Variants in ATG5 observed in about 807,000 individuals in gnomAD.
The protein encoded by ATG5 is autophagy protein 5.
ATG5 carries 14 observed loss-of-function variants against 36.5 expected under a neutral mutation model. That is an observed-to-expected ratio of 0.38 (90% CI 0.25 to 0.60). The LOEUF (loss-of-function observed/expected upper bound fraction) is 0.60, where lower values mean the gene tolerates loss of function less well. ATG5 is among the 20% of genes least tolerant of loss of function. The probability of loss-of-function intolerance (pLI) is 0.60; values close to 1 mark genes in which losing one functional copy is unlikely to be tolerated. For missense variants in ATG5, 195 were observed against 326.7 expected (o/e 0.60, Z 3.11); for synonymous variants, 95 against 101.5 (o/e 0.94, Z 0.38).
At position 106,185,390 on chromosome 6, in the gene ATG5, A is replaced by T. The variant is rs1775728535; in HGVS notation, c.*1150T>A. Reference sequence around the variant, plus strand: ...GCTCACAAGAAATGAAATGTAATGCACAAATATGTTTGACTGGTAAAATCC... The same window carrying T: ...GCTCACAAGAAATGAAATGTAATGCTCAAATATGTTTGACTGGTAAAATCC... On this transcript the variant is annotated 3_prime_UTR_variant, in exon 8 of 8. Transcript: ENST00000369076. The T allele has an allele frequency of 6.5e-6, 1 of 152,774 alleles. No homozygotes were observed. The highest frequency in any genetic ancestry group is 1.5e-5 in the Non-Finnish European group (1 of 68,040). The allele number at this position is 152,774 out of a possible 1,614,324, so 9.5% of individuals were successfully genotyped here.
At chr6:106,244,890 G>A (rs773145244) in intron 6 of ATG5, among the ~76,000 whole-genome samples, 9 of 152,190 alleles carry the variant, frequency 5.9e-5, no homozygotes, top group Non-Finnish European at 1.3e-4. Flanking sequence ...CAGATATGAT[G>A]TGCTTAATTT....
chr6:106,259,495 C>T (rs1361774486), intron 5 of ATG5, among the ~76,000 whole-genome samples: 1 of 152,130 alleles, frequency 6.6e-6, no homozygotes, highest in Non-Finnish European at 1.5e-5. Context: ...ATAAATAATG[C>T]TAAAAATACT....
intron 5 of ATG5, among the ~76,000 whole-genome samples, chr6:106,275,954 G>A (rs967368738): frequency 2.0e-5 from 3 of 152,136 alleles, no homozygotes; most frequent in Admixed American, 6.5e-5. Context: ...GAGTGTGGCC[G>A]GGTTCCAGTA....
chr6:106,212,282 T>G (rs1453326042), intron 6 of ATG5, among the ~76,000 whole-genome samples: 1 of 152,230 alleles, frequency 6.6e-6, no homozygotes, highest in Non-Finnish European at 1.5e-5. Context: ...TTTATAACTC[T>G]AATAAAACAC....
At chr6:106,223,389 AT>A in intron 6 of ATG5, among the ~76,000 whole-genome samples, 1 of 152,352 alleles carries the variant, frequency 6.6e-6, no homozygotes, top group East Asian at 1.9e-4. Flanking sequence ...AAATAAGCTT[AT>A]AATTAATAGT....
chr6:106,311,420 G>T (rs914340341), intron 2 of ATG5, among the ~76,000 whole-genome samples: 1 of 152,196 alleles, frequency 6.6e-6, no homozygotes, highest in South Asian at 2.1e-4. Flanking sequence ...AGAGTCAAAA[G>T]ACAAATAGGA....
intron 5 of ATG5, among the ~76,000 whole-genome samples, chr6:106,263,807 A>G (rs190359689): frequency 1.3e-5 from 2 of 149,774 alleles, no homozygotes; most frequent in Admixed American, 1.3e-4. Flanking sequence ...AACATAAAGG[A>G]CCCCCACAAA....
intron 5 of ATG5, among the ~76,000 whole-genome samples, chr6:106,273,596 A>G (rs1347236482): frequency 6.6e-6 from 1 of 151,138 alleles, no homozygotes; most frequent in African/African-American, 2.4e-5. Flanking sequence ...GGAATTGGGG[A>G]AGGGGTAGAA....
At chr6:106,316,354 G>A in intron 1 of ATG5, 88 bp from the exon 2 acceptor site, 2 of 466,576 alleles carry the variant, frequency 4.3e-6, no homozygotes, top group Non-Finnish European at 7.3e-6. Flanking sequence ...AAAAATCCAT[G>A]CCATAAAGAT....
chr6:106,283,113 T>C (rs974345603), intron 4 of ATG5, among the ~76,000 whole-genome samples: 4 of 152,140 alleles, frequency 2.6e-5, no homozygotes, highest in Admixed American at 6.5e-5. Flanking sequence ...GATTTGAATG[T>C]TGAATCAATT....
chr6:106,283,874 T>C (rs1004972153), intron 4 of ATG5, among the ~76,000 whole-genome samples: 3 of 152,250 alleles, frequency 2.0e-5, no homozygotes, highest in African/African-American at 4.8e-5. Context: ...ATTGAATTTG[T>C]CCATCTGTCA....
At chr6:106,225,613 T>C (rs978650353) in intron 6 of ATG5, among the ~76,000 whole-genome samples, 1 of 152,162 alleles carries the variant, frequency 6.6e-6, no homozygotes, top group African/African-American at 2.4e-5. Flanking sequence ...ACCCTGAATA[T>C]ACTCTCCTCC....
chr6:106,316,121 T>A lies in ATG5; in HGVS notation c.88A>T (p.Arg30Trp). 1.2e-6 allele frequency: 2 copies of A among 1,613,124 alleles called. No homozygotes were observed. The highest frequency in any genetic ancestry group is 2.2e-5 in the South Asian group (2 of 90,970). The stretch of plus-strand genomic sequence containing the variant: ...CTTACATAGTATGGTTCTGCTTCCC[T>A]TTCAGTTATCTCATCCTGATATAGC... ...FTLYQDEITE[R>W]EAEPYYLLLP... Residue 30 changes from arginine to tryptophan, a missense_variant, in exon 2 of 8, where the codon AGG becomes TGG. Coordinates refer to ENST00000369076, the MANE Select transcript of ATG5 (RefSeq NM_004849.4).
intron 6 of ATG5, among the ~76,000 whole-genome samples, chr6:106,208,784 T>C (rs1776738892): frequency 6.6e-6 from 1 of 151,912 alleles, no homozygotes; most frequent in South Asian, 2.1e-4. Context: ...CCGAGAAAGG[T>C]CTTGTGTCTA....
At chr6:106,224,807 G>T (rs2114440264) in intron 6 of ATG5, among the ~76,000 whole-genome samples, 1 of 152,296 alleles carries the variant, frequency 6.6e-6, no homozygotes, top group African/African-American at 2.4e-5. Context: ...CTTGAACCCG[G>T]GAGGCGGAGG....
intron 5 of ATG5, among the ~76,000 whole-genome samples, chr6:106,257,762 A>G (rs1778854910): frequency 6.6e-6 from 1 of 152,218 alleles, no homozygotes; most frequent in African/African-American, 2.4e-5. Flanking sequence ...TAATCTGTAC[A>G]TGGTAGCTAC....
At position 106,261,136 on chromosome 6, in the gene ATG5, T is replaced by C. The variant is rs145748181; in HGVS notation, c.479-12892A>G. 2.6e-5 allele frequency among the ~76,000 whole-genome samples: 4 copies of C among 152,322 alleles called. No individual in the cohort carries two copies. In the East Asian group the frequency reaches 5.8e-4, roughly 22 times the overall value. ...GTGGGAAAGAAGAGTTGTTAAAATATGCAGAGATAGATCAAGTGAGCTAGA... is the reference window on the plus strand; with the variant it reads ...GTGGGAAAGAAGAGTTGTTAAAATACGCAGAGATAGATCAAGTGAGCTAGA... On this transcript the variant is annotated intron_variant, in intron 5 of 7. Coordinates refer to ENST00000369076, the MANE Select transcript of ATG5 (RefSeq NM_004849.4).
chr6:106,311,253 T>C (rs1182270144), intron 2 of ATG5, among the ~76,000 whole-genome samples: 1 of 152,146 alleles, frequency 6.6e-6, no homozygotes, highest in Non-Finnish European at 1.5e-5. Context: ...TTATACAGCA[T>C]ACAGGTTAGA....
chr6:106,276,387 CCGGGAAG>C (rs1449932905), intron 5 of ATG5, among the ~76,000 whole-genome samples: 1 of 151,242 alleles, frequency 6.6e-6, no homozygotes, highest in Non-Finnish European at 1.5e-5. Context: ...TGGCGTGAAC[CCGGGAAG>C]CGGAGCTTGC....
Sources: gnomAD v4.1 joint callset for allele counts (sites outside exome capture counted in the v4.1 genomes callset) on GRCh38, gnomAD v4.1.1 for gene constraint, MANE v1.5 for transcripts, NCBI Gene and HGNC (gene_info 2026-07-23, HGNC 2026-07-21) for gene names.